The following SOX5 variants were observed in gnomAD, a reference collection of about 807,000 sequenced individuals.
SOX5 encodes the protein SRY-box transcription factor 5, also known as transcription factor SOX-5.
SOX5 carries 9 observed loss-of-function variants against 92.0 expected under a neutral mutation model. The observed-to-expected ratio is 0.10, with a 90% CI of 0.06 to 0.17. The LOEUF (loss-of-function observed/expected upper bound fraction) is 0.17, where lower values mean the gene tolerates loss of function less well. SOX5 is among the 10% of genes least tolerant of loss of function. The pLI, the probability that SOX5 is intolerant of heterozygous loss-of-function variation, is 1.00. For synonymous variants in SOX5, 344 were observed against 336.3 expected (o/e 1.02, Z -0.25); for missense variants, 642 against 944.5 (o/e 0.68, Z 4.20).
At position 23,761,290 on chromosome 12, in the gene SOX5, G is replaced by A. The variant is rs75023430; in HGVS notation, c.482-5566C>T. On this transcript the variant is annotated intron_variant, in intron 3 of 14. Transcript: ENST00000451604. ...ACATAAATGGAACATAAATGGTTTGGCTACTTAAAACTAAAACAACACACG... is the reference window on the plus strand; with the variant it reads ...ACATAAATGGAACATAAATGGTTTGACTACTTAAAACTAAAACAACACACG... Among the ~76,000 whole-genome samples the A allele has an allele frequency of 1.4e-3, 209 of 152,176 alleles. 1 individual carries two copies. The highest frequency in any genetic ancestry group is 4.8e-3 in the African/African-American group (201 of 41,538).
At chr12:24,261,709 T>C (rs1246786165) in intron 3 of SOX5, among the ~76,000 whole-genome samples, 1 of 152,236 alleles carries the variant, frequency 6.6e-6, no homozygotes, top group Non-Finnish European at 1.5e-5. Context: ...CAAACTGAAC[T>C]ACACGGTTTT....
intron 7 of SOX5, among the ~76,000 whole-genome samples, chr12:23,662,163 A>G (rs2083151694): frequency 6.9e-6 from 1 of 144,644 alleles, no homozygotes; most frequent in Admixed American, 7.0e-5. Context: ...ATATACATAT[A>G]TATATATAGA....
intron 2 of SOX5, among the ~76,000 whole-genome samples, chr12:24,353,337 A>G (rs761800314): frequency 3.3e-5 from 5 of 152,274 alleles, no homozygotes; most frequent in Non-Finnish European, 7.4e-5. Context: ...CCGTAAAGAA[A>G]CTATGGAAGG....
chr12:24,157,435 A>T (rs1219170183), intron 4 of SOX5, among the ~76,000 whole-genome samples: 1 of 152,164 alleles, frequency 6.6e-6, no homozygotes, highest in Non-Finnish European at 1.5e-5. Flanking sequence ...AGAGAAACAA[A>T]TACAACTTAT....
At chr12:24,420,037 A>T (rs879909138) in intron 1 of SOX5, among the ~76,000 whole-genome samples, 2 of 152,230 alleles carry the variant, frequency 1.3e-5, no homozygotes, top group African/African-American at 4.8e-5. Flanking sequence ...TAGCTAAGAG[A>T]TGATACTTTT....
chr12:24,037,391 A>G (rs1004937869), intron 4 of SOX5, among the ~76,000 whole-genome samples: 2 of 152,166 alleles, frequency 1.3e-5, no homozygotes, highest in Admixed American at 6.6e-5. Context: ...AGACAGTAAA[A>G]ACATTCCATG....
chr12:23,675,324 T>C (rs1370617076), intron 6 of SOX5, among the ~76,000 whole-genome samples: 2 of 152,212 alleles, frequency 1.3e-5, no homozygotes, highest in African/African-American at 2.4e-5. Context: ...TTTATTCTTC[T>C]ATCCGTCCTC....
At chr12:23,828,127 ATACT>A (rs1404880434) in intron 3 of SOX5, among the ~76,000 whole-genome samples, 4 of 152,066 alleles carry the variant, frequency 2.6e-5, no homozygotes, top group Admixed American at 2.0e-4. Flanking sequence ...AGATACACAA[ATACT>A]TACTTTTTTG....
intron 3 of SOX5, among the ~76,000 whole-genome samples, chr12:23,804,915 TTATATATATATATATATA>T (rs528741802): frequency 0.063 from 4,692 of 75,054 alleles, 235 homozygotes; most frequent in Middle Eastern, 0.081. Flanking sequence ...TATCATTGTT[TTATATATATATATATATA>T]TATATATATA....
chr12:24,224,430 C>T (rs1334509910), intron 3 of SOX5, among the ~76,000 whole-genome samples: 1 of 151,386 alleles, frequency 6.6e-6, no homozygotes, highest in Non-Finnish European at 1.5e-5. Context: ...CACATTATTC[C>T]TTATTTTTGC....
intron 1 of SOX5, chr12:23,944,364 G>A (rs1944187770): frequency 6.6e-6 from 1 of 152,074 alleles, no homozygotes; most frequent in Non-Finnish European, 1.5e-5. Flanking sequence ...GTGGAGAAAT[G>A]CAACACCCCC....
chr12:23,946,736 C>A (rs1944657438), intron 1 of SOX5, among the ~76,000 whole-genome samples: 1 of 151,940 alleles, frequency 6.6e-6, no homozygotes, highest in Non-Finnish European at 1.5e-5. Flanking sequence ...ATGTAGAAGA[C>A]TTTCCTTACA....
At chr12:24,008,635 T>C (rs182363936) in intron 4 of SOX5, among the ~76,000 whole-genome samples, 1 of 152,306 alleles carries the variant, frequency 6.6e-6, no homozygotes, top group Non-Finnish European at 1.5e-5. Flanking sequence ...TTATGGACTC[T>C]TTTGGAAAAT....
chr12:23,967,115 G>A lies in SOX5; in HGVS notation c.-1-71091C>T, dbSNP rs146616425. ...AAGCATCTGAAATGAGCTTTTAAAA[G>A]TTAAGATTATTTAAGCATTTCATTT... is the stretch of plus-strand genomic sequence containing the variant. On this transcript the variant is annotated intron_variant, in intron 4 of 4. Coordinates refer to the SOX5 transcript ENST00000446891. Among the ~76,000 whole-genome samples, 1,461 of 152,216 alleles carry A rather than the reference G, an allele frequency of 9.6e-3. 13 individuals carry two copies. The highest frequency in any genetic ancestry group is 0.027 in the Middle Eastern group (8 of 294).
chr12:23,765,877 C>T (rs1452822076), intron 3 of SOX5, among the ~76,000 whole-genome samples: 2 of 152,092 alleles, frequency 1.3e-5, no homozygotes, highest in African/African-American at 2.4e-5. Context: ...GGGTAAACCC[C>T]TCCTATGGCA....
intron 3 of SOX5, among the ~76,000 whole-genome samples, chr12:23,765,170 T>G (rs527562092): frequency 6.6e-6 from 1 of 152,126 alleles, no homozygotes; most frequent in South Asian, 2.1e-4. Flanking sequence ...GTAGTCCATC[T>G]GCCTTAACAA....
intron 1 of SOX5, among the ~76,000 whole-genome samples, chr12:24,413,425 C>G (rs997925260): frequency 2.6e-5 from 4 of 152,114 alleles, no homozygotes; most frequent in African/African-American, 2.4e-5. Context: ...TTTTTTCTTT[C>G]AATCTGCCCA....
intron 3 of SOX5, among the ~76,000 whole-genome samples, chr12:23,798,193 A>G (rs1441047103): frequency 6.6e-6 from 1 of 152,022 alleles, no homozygotes; most frequent in Non-Finnish European, 1.5e-5. Context: ...TGGAGATACA[A>G]AAACATAGGC....
intron 4 of SOX5, among the ~76,000 whole-genome samples, chr12:24,141,215 T>A (rs1461979482): frequency 6.6e-6 from 1 of 152,224 alleles, no homozygotes; most frequent in Non-Finnish European, 1.5e-5. Context: ...TACATCTTTC[T>A]TCTCCTACAT....
Sources: gnomAD v4.1 joint callset for allele counts (sites outside exome capture counted in the v4.1 genomes callset) on GRCh38, gnomAD v4.1.1 for gene constraint, MANE v1.5 for transcripts, NCBI Gene and HGNC (gene_info 2026-07-23, HGNC 2026-07-21) for gene names.